The following RETREG1 variants were observed in gnomAD, a reference collection of about 807,000 sequenced individuals.
RETREG1 encodes family with sequence similarity 134 member B.
In RETREG1, 44 loss-of-function variants were observed where a neutral mutation model predicts 54.8. The ratio of observed to expected loss-of-function variants is 0.80; its 90% confidence interval spans 0.63 to 1.03. The LOEUF (loss-of-function observed/expected upper bound fraction) is 1.03, where lower values mean the gene tolerates loss of function less well. RETREG1 is among the 50% of genes least tolerant of loss of function. The pLI is 0.00. For synonymous variants in RETREG1, 217 were observed against 238.5 expected, an observed-to-expected ratio of 0.91 and a Z score of 0.83; for missense variants, 554 against 605.1, an observed-to-expected ratio of 0.92 and a Z score of 0.89.
At chr5:16,607,767 T>C (rs1307263436) in intron 1 of RETREG1, among the ~76,000 whole-genome samples, 1 of 152,156 alleles carries the variant, frequency 6.6e-6, no homozygotes, top group Non-Finnish European at 1.5e-5. Flanking sequence ...AATAGTAACC[T>C]CTTCAAAACC....
At chr5:16,551,692 G>A (rs1039704909) in intron 3 of RETREG1, among the ~76,000 whole-genome samples, 9 of 152,084 alleles carry the variant, frequency 5.9e-5, no homozygotes, top group African/African-American at 2.2e-4. Flanking sequence ...ATCAAAGCTG[G>A]TTCTTTCACA....
Position 16,475,326 on chromosome 5 carries a change from C to A in RETREG1, c.1001-92G>T, listed in dbSNP as rs1738491534. The A allele has an allele frequency of 3.5e-6, 5 of 1,433,512 alleles. No homozygotes were observed. The African/African-American group carries it at 5.7e-5, about 16-fold the overall frequency. The allele number at this position is 1,433,512 out of a possible 1,614,324, so 88.8% of individuals were successfully genotyped here. ...AAAGATATCTGACTTTAATCTGAACCCTCTGGCAACCTTGGCATTCATCTA... is the reference window on the plus strand; with the variant it reads ...AAAGATATCTGACTTTAATCTGAACACTCTGGCAACCTTGGCATTCATCTA... On this transcript the variant is annotated intron_variant, in intron 8 of 8. Coordinates refer to ENST00000306320, the MANE Select transcript of RETREG1 (RefSeq NM_001034850.3).
intron 1 of RETREG1, among the ~76,000 whole-genome samples, chr5:16,581,234 G>T (rs1159033395): frequency 1.3e-5 from 2 of 152,174 alleles, no homozygotes; most frequent in African/African-American, 4.8e-5. Context: ...AGGCCAGTCG[G>T]AGGCAGGACT....
At chr5:16,545,184 T>C (rs150715383) in intron 3 of RETREG1, among the ~76,000 whole-genome samples, 1 of 152,286 alleles carries the variant, frequency 6.6e-6, no homozygotes, top group African/African-American at 2.4e-5. Context: ...CTCTTCCAGC[T>C]CCAATCCTCA....
rs150298240 is a variant in RETREG1 at position 16,561,306 on chromosome 5, G to A, written c.458+4457C>T. On this transcript the variant is annotated intron_variant, in intron 3 of 8. Coordinates refer to ENST00000306320, the MANE Select transcript of RETREG1 (RefSeq NM_001034850.3). The surrounding 1 kb of genome is among the most constrained non-coding windows in gnomAD (Gnocchi z 4.2). ...AGGTCAGGAGATCAAGACCATCCTG[G>A]CTAACATGGTGAAACCCCGTCTCTA... Among the ~76,000 whole-genome samples, 6,165 of 151,968 alleles carry A rather than the reference G, an allele frequency of 0.041. 380 individuals are homozygous for A. Among genetic ancestry groups the A allele is most frequent in the African/African-American group, 0.14 (5,809 of 41,396 alleles).
rs545366534 is a variant in RETREG1, at chr5:16,610,292, T to C, written c.320+6360A>G. 9.8e-5 allele frequency among the ~76,000 whole-genome samples: 15 copies of C among 152,316 alleles called. No individual in the cohort carries two copies. In the South Asian group the frequency reaches 1.4e-3, roughly 15 times the overall value. On this transcript the variant is annotated intron_variant, in intron 1 of 8. Coordinates refer to ENST00000306320, the MANE Select transcript of RETREG1 (RefSeq NM_001034850.3). ...GTCTCCCGCCAGGGGTGCCCCTGCG[T>C]GGACACCTCAGGCAAATCACTTTCC...
intron 2 of RETREG1, among the ~76,000 whole-genome samples, chr5:16,571,707 T>C (rs1742176055): frequency 6.6e-6 from 1 of 152,180 alleles, no homozygotes; most frequent in Non-Finnish European, 1.5e-5. Flanking sequence ...ATGTGAGATG[T>C]AATAAATATT....
chr5:16,477,990 A>T (rs1738614285), intron 7 of RETREG1, 44 bp downstream of exon 7: 3 of 1,499,592 alleles, frequency 2.0e-6, no homozygotes, highest in Admixed American at 1.8e-5. Flanking sequence ...ATGCATTTAC[A>T]GTCAAACCAC....
chr5:16,488,957 C>A (rs145920624), intron 3 of RETREG1, among the ~76,000 whole-genome samples: 2,991 of 152,096 alleles, frequency 0.02, 51 homozygotes, highest in Non-Finnish European at 0.032. Context: ...GTGGCATGCG[C>A]CTGTAGTCCC....
chr5:16,541,028 G>A (rs938161568), intron 3 of RETREG1, among the ~76,000 whole-genome samples: 21 of 152,144 alleles, frequency 1.4e-4, no homozygotes, highest in Admixed American at 8.5e-4. Context: ...CACCTTGGTC[G>A]CTGCACTGCC....
At position 16,474,501 on chromosome 5, in the gene RETREG1, C is replaced by G. The variant is rs933705159; in HGVS notation, c.*240G>C. ...CCCCTAATATTTATCTCTGACAACA[C>G]AGTGGTGTGTATAAAGTTCATTTCC... On this transcript the variant is annotated 3_prime_UTR_variant, in exon 9 of 9. Transcript: ENST00000306320. 1.9e-6 allele frequency: 1 copy of G among 521,610 alleles called. No homozygotes were observed. Among genetic ancestry groups the G allele is most frequent in the Middle Eastern group, 5.3e-4 (1 of 1,892 alleles). The allele number at this position is 521,610 out of a possible 1,614,324, so 32.3% of individuals were successfully genotyped here.
chr5:16,525,333 G>A (rs573084885), intron 3 of RETREG1, among the ~76,000 whole-genome samples: 3 of 136,940 alleles, frequency 2.2e-5, no homozygotes, highest in African/African-American at 5.4e-5. Flanking sequence ...GGATGTGCGC[G>A]GGTAACACTG....
intron 3 of RETREG1, among the ~76,000 whole-genome samples, chr5:16,501,402 C>A (rs2126550726): frequency 6.6e-6 from 1 of 152,308 alleles, no homozygotes; most frequent in Middle Eastern, 3.4e-3. Context: ...TAAAATCGTT[C>A]AGTGTTTACA....
intron 3 of RETREG1, among the ~76,000 whole-genome samples, chr5:16,547,495 T>G (rs1197804523): frequency 1.3e-5 from 2 of 152,208 alleles, no homozygotes; most frequent in Non-Finnish European, 2.9e-5. Flanking sequence ...TAACTTTTGT[T>G]GAAAACCATG....
At chr5:16,493,078 T>C (rs1164533036) in intron 3 of RETREG1, among the ~76,000 whole-genome samples, 2 of 152,024 alleles carry the variant, frequency 1.3e-5, no homozygotes, top group African/African-American at 2.4e-5. Flanking sequence ...AGTGTTCTAT[T>C]TGGGGCTCTC....
intron 1 of RETREG1, among the ~76,000 whole-genome samples, chr5:16,610,429 C>T (rs1012465509): frequency 6.6e-6 from 1 of 152,204 alleles, no homozygotes; most frequent in Admixed American, 6.5e-5. Context: ...GGTCTCCAAC[C>T]ATGGGTCCAA....
intron 2 of RETREG1, among the ~76,000 whole-genome samples, chr5:16,569,745 G>A (rs1742121784): frequency 6.6e-6 from 1 of 152,222 alleles, no homozygotes; most frequent in African/African-American, 2.4e-5. Context: ...AGTGGAAAAA[G>A]GGTCTCTGCT....
At chr5:16,526,257 A>G (rs1273423226) in intron 3 of RETREG1, among the ~76,000 whole-genome samples, 2 of 152,248 alleles carry the variant, frequency 1.3e-5, no homozygotes, top group Non-Finnish European at 2.9e-5. Context: ...ATCCACAGGC[A>G]TGCCACTGAG....
At chr5:16,559,707 T>G (rs1473424094) in intron 3 of RETREG1, among the ~76,000 whole-genome samples, 1 of 152,262 alleles carries the variant, frequency 6.6e-6, no homozygotes, top group Non-Finnish European at 1.5e-5. Context: ...ATAACATACT[T>G]GGAAAAACCT....
Sources: allele counts gnomAD v4.1 joint callset (sites outside exome capture counted in the v4.1 genomes callset), GRCh38; gene constraint gnomAD v4.1.1; non-coding constraint Gnocchi (gnomAD v3.1); transcripts MANE v1.5; gene names NCBI Gene and HGNC (gene_info 2026-07-23, HGNC 2026-07-21).